The following TCTN1 variants were observed in gnomAD, a reference collection of about 807,000 sequenced individuals.
The protein encoded by TCTN1 is tectonic family member 1, also known as tectonic-1.
In TCTN1, 58 loss-of-function variants were observed where a neutral mutation model predicts 65.8. The observed-to-expected ratio is 0.88, with a 90% confidence interval of 0.71 to 1.10. The LOEUF (loss-of-function observed/expected upper bound fraction) is 1.10, where lower values mean the gene tolerates loss of function less well. Among genes scored for constraint, TCTN1 ranks in the 50% least tolerant of loss-of-function variants. The pLI is 0.00. For missense variants in TCTN1, 645 were observed against 719.4 expected (o/e 0.90, Z 1.18); for synonymous variants, 273 against 289.1 (o/e 0.94, Z 0.57).
intron 11 of TCTN1, chr12:110,643,324 G>T (rs2067085215): frequency 6.6e-6 from 1 of 152,164 alleles, no homozygotes. Flanking sequence ...GTGAGAGGAA[G>T]CCTGAATATG....
intron 1 of TCTN1, 152 bp from the exon 2 acceptor site, chr12:110,619,684 C>T: frequency 8.3e-7 from 1 of 1,210,064 alleles, no homozygotes; most frequent in East Asian, 2.5e-5. Flanking sequence ...CAAACTGACT[C>T]ATTTCCACTT....
At chr12:110,622,173 G>T in intron 2 of TCTN1, among the ~76,000 whole-genome samples, 2 of 151,904 alleles carry the variant, frequency 1.3e-5, no homozygotes, top group East Asian at 1.9e-4. Context: ...TTGAATGGAT[G>T]AATGAATTTC....
intron 1 of TCTN1, among the ~76,000 whole-genome samples, chr12:110,618,149 T>A (rs865871996): frequency 1.3e-5 from 2 of 151,430 alleles, no homozygotes; most frequent in African/African-American, 4.9e-5. Flanking sequence ...CTCAGTTTAC[T>A]GCAACCTCTG....
chr12:110,628,190 C>G (rs150690907), intron 3 of TCTN1: 1 of 1,535,948 alleles, frequency 6.5e-7, no homozygotes, highest in Non-Finnish European at 8.7e-7. Context: ...GAGAAATAGA[C>G]GGATTATTAT....
chr12:110,642,183 C>G, intron 10 of TCTN1, 66 bp from the exon 11 acceptor site: 1 of 1,607,742 alleles, frequency 6.2e-7, no homozygotes. Context: ...ACAAGTGACA[C>G]TGTCTTCTTA....
At position 110,619,817 on chromosome 12, in the gene TCTN1, A is replaced by G. The variant is rs554531337; in HGVS notation, c.221-19A>G. The stretch of plus-strand genomic sequence containing the variant: ...TGCTGATGGTGATGTTCTGGATCCT[A>G]CCCCTCTTTTTTCTGCAGTTGCTGT... On this transcript the variant is annotated intron_variant, in intron 1 of 14. Transcript: ENST00000397659. 1 of 1,613,802 alleles carries G rather than the reference A, an allele frequency of 6.2e-7. No individual in the cohort carries two copies. Among genetic ancestry groups the G allele is most frequent in the East Asian group, 2.2e-5 (1 of 44,866 alleles).
At position 110,641,567 on chromosome 12, in the gene TCTN1, G is replaced by A. The variant is rs749472110; in HGVS notation, c.1130G>A (p.Ser377Asn). The part of the protein sequence containing the change: ...LQENTQPVPL[S>N]GNPGYVVGLP... ...GAAAATACCCAGCCAGTCCCTCTCA[G>A]TGGAAACCCTGGTTATGTCGTGGGG... The change falls in exon 10 of 15, where the codon AGT becomes AAT. Residue 377 changes from serine (S) to asparagine (N), a missense_variant. Transcript: ENST00000397659. The A allele has an allele frequency of 6.2e-7, 1 of 1,614,232 alleles. No individual in the cohort carries two copies. Among genetic ancestry groups the A allele is most frequent in the Non-Finnish European group, 8.5e-7 (1 of 1,180,044 alleles).
At chr12:110,638,892 T>C (rs1392194427) in intron 7 of TCTN1, among the ~76,000 whole-genome samples, 1 of 152,178 alleles carries the variant, frequency 6.6e-6, no homozygotes, top group African/African-American at 2.4e-5. Context: ...TAGGACCCCC[T>C]CCATGCTGAA....
chr12:110,647,015 T>C, intron 12 of TCTN1, 181 bp from the exon 13 acceptor site: 1 of 678,950 alleles, frequency 1.5e-6, no homozygotes, highest in Non-Finnish European at 2.4e-6. Flanking sequence ...AAAAATATTT[T>C]TGGGGCATTG....
At chr12:110,636,111 T>G (rs891336363) in intron 6 of TCTN1, 5 of 225,928 alleles carry the variant, frequency 2.2e-5, no homozygotes, top group African/African-American at 9.2e-5. Flanking sequence ...ATGGTGGCCT[T>G]CCAGCAAGGA....
chr12:110,626,585 T>C, intron 3 of TCTN1, 93 bp downstream of exon 3: 1 of 1,358,636 alleles, frequency 7.4e-7, no homozygotes. Flanking sequence ...ATAATTATGA[T>C]TATGGTTTTT....
chr12:110,642,520 C>T (rs1295200904), intron 11 of TCTN1, 131 bp downstream of exon 11: 1 of 1,300,850 alleles, frequency 7.7e-7, no homozygotes, highest in Non-Finnish European at 1.1e-6. Flanking sequence ...AGTATATCAT[C>T]ATGCATGAAT....
intron 5 of TCTN1, chr12:110,634,326 C>T (rs2066418884): frequency 1.5e-5 from 7 of 455,324 alleles, no homozygotes; most frequent in Non-Finnish European, 2.6e-5. Context: ...TACTCATTAT[C>T]TTTTTGTGCT....
chr12:110,628,035 C>G, intron 3 of TCTN1: 2 of 1,535,582 alleles, frequency 1.3e-6, no homozygotes, highest in East Asian at 2.4e-5. Context: ...GCTTCCTTCT[C>G]TCTCTTCTGT....
chr12:110,642,572 C>A (rs1252421968), intron 11 of TCTN1, among the ~76,000 whole-genome samples, 183 bp downstream of exon 11: 2 of 152,124 alleles, frequency 1.3e-5, no homozygotes, highest in Non-Finnish European at 2.9e-5. Flanking sequence ...TTAAATACGG[C>A]AAAGCAAAAA....
At chr12:110,632,202 C>G (rs148366479) in intron 4 of TCTN1, among the ~76,000 whole-genome samples, 1 of 152,320 alleles carries the variant, frequency 6.6e-6, no homozygotes, top group East Asian at 1.9e-4. Flanking sequence ...AGAGGCAGAT[C>G]GTTATGTCAT....
At chr12:110,641,849 A>C in intron 10 of TCTN1, 1 of 573,264 alleles carries the variant, frequency 1.7e-6, no homozygotes, top group Non-Finnish European at 3.1e-6. Flanking sequence ...CGTCCTGGGA[A>C]AATGTCAGTG....
chr12:110,628,818 T>C lies in TCTN1; in HGVS notation c.524T>C (p.Phe175Ser). The change falls in exon 4 of 15, where the codon TTT (phenylalanine) becomes TCT (serine). Residue 175 changes from phenylalanine to serine, a missense_variant. Phe to Ser is a radical substitution (Grantham distance 155). Transcript: ENST00000397659. ...CCAGAAGTACCTGATGAAAACAATT[T>C]TGATACATTGATGAAAACATCTGAT... ...INPEVPDENN[F>S]DTLMKTSDGF... 1 of 1,612,860 alleles carries C rather than the reference T, an allele frequency of 6.2e-7. No individual in the cohort carries two copies. The highest frequency in any genetic ancestry group is 8.5e-7 in the Non-Finnish European group (1 of 1,179,196).
Position 110,634,595 on chromosome 12 carries a change from T to C in TCTN1, c.713-75T>C, listed in dbSNP as rs561488936. ...CAGTTTTACCTAGATTAAAACTTTT[T>C]AGTTGCCATTGGAAAATTGAAAAAT... is the stretch of plus-strand genomic sequence containing the variant. On this transcript the variant is annotated intron_variant, in intron 5 of 14. Transcript: ENST00000397659. 3.8e-4 allele frequency: 438 copies of C among 1,165,004 alleles called. 5 individuals are homozygous for C. Among genetic ancestry groups the C allele is most frequent in the South Asian group, 2.3e-3 (165 of 71,224 alleles). 72.2% of individuals were successfully genotyped at this position (1,165,004 alleles called of 1,614,324 possible). A position where few individuals can be genotyped will look rare whatever the true frequency, so the allele number is the denominator to read the frequency against.
Sources: allele counts gnomAD v4.1 joint callset (sites outside exome capture counted in the v4.1 genomes callset), GRCh38; gene constraint gnomAD v4.1.1; transcripts MANE v1.5; gene names NCBI Gene and HGNC (gene_info 2026-07-23, HGNC 2026-07-21).